RNH1: variants seen among roughly 807,000 people sequenced by gnomAD.
RNH1 encodes the protein ribonuclease/angiogenin inhibitor 1, also known as ribonuclease inhibitor.
In RNH1, 38 loss-of-function variants were observed where a neutral mutation model predicts 46.1. That is an observed-to-expected ratio of 0.82 (90% CI 0.64 to 1.08). RNH1 has a LOEUF of 1.08. Among genes scored for constraint, RNH1 ranks in the 50% least tolerant of loss-of-function variants. RNH1 has a pLI of 0.00. For synonymous variants in RNH1, 319 were observed against 279.1 expected (o/e 1.14, Z -1.43); for missense variants, 577 against 590.7 (o/e 0.98, Z 0.24).
chr11:500,428 C>T, intron 4 of RNH1, 56 bp downstream of exon 4: 1 of 1,563,462 alleles, frequency 6.4e-7, no homozygotes, highest in Non-Finnish European at 8.7e-7. Context: ...TCCCCTGCTG[C>T]CGGGCTACCA....
chr11:498,704 C>T (rs1849403012), intron 7 of RNH1, 59 bp downstream of exon 7: 2 of 1,594,052 alleles, frequency 1.3e-6, no homozygotes, highest in South Asian at 1.1e-5. Flanking sequence ...CGGGGGAGAG[C>T]TCTGAGGACG....
At position 496,454 on chromosome 11, in the gene RNH1, G is replaced by A. The variant is rs191332038; in HGVS notation, c.1128-1401C>T. 3.4e-3 allele frequency among the ~76,000 whole-genome samples: 519 copies of A among 152,320 alleles called. 2 individuals carry two copies. Among genetic ancestry groups the A allele is most frequent in the Middle Eastern group, 6.8e-3 (2 of 294 alleles). Reference sequence around the variant, plus strand: ...GGAGGCCGAGGCAGGCGGATCACGAGGTCAGGATATCAAGACCATACTGGC... The same window carrying A: ...GGAGGCCGAGGCAGGCGGATCACGAAGTCAGGATATCAAGACCATACTGGC... On this transcript the variant is annotated intron_variant, in intron 9 of 10. Transcript: ENST00000354420.
chr11:504,770 T>A (rs553225429), intron 2 of RNH1, 54 bp downstream of exon 2: 1 of 152,336 alleles, frequency 6.6e-6, no homozygotes, highest in South Asian at 2.1e-4. Flanking sequence ...CCCTGCCTCC[T>A]CCCACAAGCA....
rs764925824 is a variant in RNH1 at position 498,754 on chromosome 11, A to C, written c.785+9T>G. On this transcript the variant is annotated intron_variant, in intron 7 of 10. Transcript: ENST00000354420. Reference sequence around the variant, plus strand: ...CCTCCGGGAAGGAGGCCTCGCGGAGATGACTCACCACAGGGTCCTGAGCCT... The same window carrying C: ...CCTCCGGGAAGGAGGCCTCGCGGAGCTGACTCACCACAGGGTCCTGAGCCT... The C allele has an allele frequency of 6.3e-7, 1 of 1,594,070 alleles. No individual in the cohort carries two copies. Among genetic ancestry groups the C allele is most frequent in the South Asian group, 1.1e-5 (1 of 90,408 alleles).
In RNH1 at chr11:498,981, C is replaced by G. The variant is rs756658207; in HGVS notation, c.614+34G>C. 6 of 1,611,770 alleles carry G rather than the reference C, an allele frequency of 3.7e-6. No homozygotes were observed. In the South Asian group the frequency reaches 6.6e-5, roughly 18 times the overall value. ...AGGCAGCACGGGACCCCCCCTAGCCCACACCCCGCACCCCCCCAAGGCCCA... is the reference window on the plus strand; with the variant it reads ...AGGCAGCACGGGACCCCCCCTAGCCGACACCCCGCACCCCCCCAAGGCCCA... On this transcript the variant is annotated intron_variant, in intron 6 of 10. Transcript: ENST00000354420.
intron 5 of RNH1, chr11:499,468 C>T (rs758501760): frequency 1.6e-5 from 11 of 686,928 alleles, no homozygotes; most frequent in East Asian, 2.7e-5. Flanking sequence ...GCCACCTGCA[C>T]GTCCCAGGCT....
At chr11:498,701 G>A (rs375717147) in intron 7 of RNH1, 62 bp downstream of exon 7, 1 of 1,594,306 alleles carries the variant, frequency 6.3e-7, no homozygotes, top group South Asian at 1.1e-5. Flanking sequence ...GGGCGGGGGA[G>A]AGCTCTGAGG....
At chr11:497,731 ACACGGACCCTCGTGCTCACT>A (rs1268998714) in intron 9 of RNH1, among the ~76,000 whole-genome samples, 33 of 149,126 alleles carry the variant, frequency 2.2e-4, no homozygotes, top group African/African-American at 8.1e-4. Context: ...ATGTGCTCAC[ACACGGACCCTCGTGCTCACT>A]CACGTGCTCA....
chr11:506,956 C>A (rs1379894655), intron 1 of RNH1, 157 bp downstream of exon 1: 1 of 152,238 alleles, frequency 6.6e-6, no homozygotes, highest in Non-Finnish European at 1.5e-5. Flanking sequence ...TAGCCCCGGA[C>A]CCCTGCCCCG....
intron 9 of RNH1, among the ~76,000 whole-genome samples, chr11:496,294 G>A (rs1483531934): frequency 6.6e-6 from 1 of 152,170 alleles, no homozygotes; most frequent in Non-Finnish European, 1.5e-5. Flanking sequence ...AGCACTTTGG[G>A]AGGCTGAGGC....
Position 495,071 on chromosome 11 carries a change from G to A in RNH1, c.1128-18C>T. 1.3e-6 allele frequency: 2 copies of A among 1,599,060 alleles called. No individual in the cohort carries two copies. Among genetic ancestry groups the A allele is most frequent in the African/African-American group, 2.7e-5 (2 of 74,822 alleles). On this transcript the variant is annotated intron_variant, in intron 9 of 10. Transcript: ENST00000354420. ...CGGCCAACCTGGGTGAAGCAGGGCG[G>A]GGGTCAGGGTGCCGGGCGTGCCTGG...
intron 10 of RNH1, 50 bp from the exon 11 acceptor site, chr11:494,828 C>T (rs1375843899): frequency 2.5e-5 from 40 of 1,612,564 alleles, no homozygotes; most frequent in African/African-American, 1.6e-4. Flanking sequence ...CCCCCACCCC[C>T]GCCTTCCTCC....
rs1447751508 is a variant in RNH1, at chr11:499,940, G to A, written c.332C>T (p.Thr111Ile). 6.2e-7 allele frequency: 1 copy of A among 1,610,884 alleles called. No individual in the cohort carries two copies. Among genetic ancestry groups the A allele is most frequent in the Admixed American group, 1.7e-5 (1 of 59,712 alleles). Residue 111 changes from threonine (T) to isoleucine (I), a missense_variant, in exon 5 of 11, where the codon ACC (threonine) becomes ATC (isoleucine). By Grantham distance (89) the Thr-to-Ile change is moderately conservative. Transcript: ENST00000354420. ...GCGVLSSTLRTLPTLQELHLS... is the reference protein window; with the variant it reads ...GCGVLSSTLRILPTLQELHLS... ...GTGCAGCTCCTGCAGGGTGGGCAGG[G>A]TGCGTAGTGTGCTGGACAGGACCCC... is the stretch of plus-strand genomic sequence containing the variant.
Position 499,938 on chromosome 11 carries a change from G to C in RNH1, c.334C>G (p.Leu112Val). Reference protein sequence around the residue: ...CGVLSSTLRTLPTLQELHLSD... With the variant: ...CGVLSSTLRTVPTLQELHLSD... The stretch of plus-strand genomic sequence containing the variant: ...AGGTGCAGCTCCTGCAGGGTGGGCA[G>C]GGTGCGTAGTGTGCTGGACAGGACC... Residue 112 changes from leucine (L) to valine (V), a missense_variant, in exon 5 of 11, where the codon CTG (leucine) becomes GTG (valine). Physicochemically the swap from Leu to Val is conservative, Grantham distance 32 (BLOSUM62 1). Coordinates refer to ENST00000354420, the MANE Select transcript of RNH1 (RefSeq NM_203387.3). 1.2e-6 allele frequency: 2 copies of C among 1,611,582 alleles called. No homozygotes were observed. Among genetic ancestry groups the C allele is most frequent in the Non-Finnish European group, 1.7e-6 (2 of 1,179,384 alleles).
chr11:497,201 ACCCATGTGCTCACGTACTCTCG>A (rs1286797192), intron 9 of RNH1, among the ~76,000 whole-genome samples: 3,548 of 131,370 alleles, frequency 0.027, 257 homozygotes, highest in African/African-American at 0.1. Context: ...GCTCACTCTC[ACCCATGTGCTCACGTACTCTCG>A]CCCATGTGCT....
intron 1 of RNH1, chr11:505,233 T>C (rs911055557): frequency 6.6e-6 from 1 of 152,222 alleles, no homozygotes; most frequent in African/African-American, 2.4e-5. Flanking sequence ...TATTTTACAT[T>C]TTAACTATTC....
chr11:500,226 C>G, intron 4 of RNH1: 1 of 642,674 alleles, frequency 1.6e-6, no homozygotes, highest in Non-Finnish European at 2.6e-6. Flanking sequence ...CAGTGGGGGT[C>G]TGTGGTGATG....
In RNH1 at chr11:494,918, GCT is replaced by G. The variant is rs755818439; in HGVS notation, c.1261_1262del (p.Ser421ArgfsTer20). The G allele has an allele frequency of 1.7e-5, 27 of 1,610,936 alleles. No individual in the cohort carries two copies. The highest frequency in any genetic ancestry group is 2.2e-5 in the Non-Finnish European group (26 of 1,179,038). ...CCAGGAGGCAGCCCGGCTGCCGGACGCTCTCCACCAGCTGCAGGATGCCGGCG... is the reference window on the plus strand; with the variant it reads ...CCAGGAGGCAGCCCGGCTGCCGGACGCTCCACCAGCTGCAGGATGCCGGCG... ...GDAGILQLVE[S>X]VRQPGCLLEQ... is the part of the protein sequence containing the mutation. On this transcript the variant is annotated frameshift_variant, in exon 10 of 11. Transcript: ENST00000354420. LOFTEE classifies it low-confidence loss of function (END_TRUNC).
In RNH1 at chr11:502,014, C is replaced by T. The variant is rs1405176510; in HGVS notation, c.101+48G>A. On this transcript the variant is annotated intron_variant, in intron 3 of 10. Coordinates refer to ENST00000354420, the MANE Select transcript of RNH1 (RefSeq NM_203387.3). The surrounding 1 kb of genome is among the most constrained non-coding windows in gnomAD (Gnocchi z 5.8). The stretch of plus-strand genomic sequence containing the variant: ...ACCCTTCAGAGGGAGCCGCCACCCG[C>T]CAGCCTGCCCCACCAGCACCCCAAG... 9.1e-6 allele frequency: 13 copies of T among 1,428,718 alleles called. No homozygotes were observed. The highest frequency in any genetic ancestry group is 1.2e-5 in the Non-Finnish European group (12 of 1,029,984). 88.5% of individuals were successfully genotyped at this position (1,428,718 alleles called of 1,614,324 possible).
Sources: gnomAD v4.1 joint callset for allele counts (sites outside exome capture counted in the v4.1 genomes callset) on GRCh38, gnomAD v4.1.1 for gene constraint, Gnocchi (gnomAD v3.1) non-coding constraint, MANE v1.5 for transcripts, NCBI Gene and HGNC (gene_info 2026-07-23, HGNC 2026-07-21) for gene names.